The following CRPPA variants were observed in gnomAD, a reference collection of about 807,000 sequenced individuals.
The protein encoded by CRPPA is D-ribitol-5-phosphate cytidylyltransferase.
In CRPPA, 43 loss-of-function variants were observed where a neutral mutation model predicts 52.0. The observed-to-expected ratio is 0.83, with a 90% confidence interval of 0.65 to 1.07. CRPPA has a LOEUF of 1.07. Ranked by LOEUF, CRPPA falls within the 50% of genes least tolerant of loss-of-function variation. The pLI, the probability that CRPPA is intolerant of heterozygous loss-of-function variation, is 0.00. For missense variants in CRPPA, 629 were observed against 551.7 expected, an observed-to-expected ratio of 1.14 and a Z score of -1.40; for synonymous variants, 250 against 203.5, an observed-to-expected ratio of 1.23 and a Z score of -1.94.
rs1198212783 is a variant in CRPPA at position 16,376,183 on chromosome 7, C to T, written c.593G>A (p.Cys198Tyr). ...STVVSPSADGCLDYSLERARH... is the reference protein window; with the variant it reads ...STVVSPSADGYLDYSLERARH... ...GGCACGTTCTAGCGAGTAGTCTAAGCAACCATCAGCAGATGGACTGACGAC... is the reference window on the plus strand; with the variant it reads ...GGCACGTTCTAGCGAGTAGTCTAAGTAACCATCAGCAGATGGACTGACGAC... The change falls in exon 3 of 10, where the codon TGC becomes TAC. Residue 198 changes from cysteine to tyrosine, a missense_variant. Coordinates refer to ENST00000407010, the MANE Select transcript of CRPPA (RefSeq NM_001101426.4). 6.2e-7 allele frequency: 1 copy of T among 1,613,190 alleles called. No homozygotes were observed. Among genetic ancestry groups the T allele is most frequent in the Non-Finnish European group, 8.5e-7 (1 of 1,179,592 alleles).
At chr7:16,124,109 T>TA (rs1782529471) in intron 9 of CRPPA, among the ~76,000 whole-genome samples, 2 of 149,028 alleles carry the variant, frequency 1.3e-5, no homozygotes, top group South Asian at 4.2e-4. Context: ...ATTTCTTTCT[T>TA]TTTTTATTTT....
intron 9 of CRPPA, among the ~76,000 whole-genome samples, chr7:16,197,928 C>T (rs1233612019): frequency 6.1e-5 from 9 of 148,020 alleles, no homozygotes; most frequent in African/African-American, 1.5e-4. Context: ...GCAGGATGTG[C>T]TTTGTTAAAC....
intron 9 of CRPPA, among the ~76,000 whole-genome samples, chr7:16,117,118 C>A (rs370829526): frequency 6.6e-6 from 1 of 152,150 alleles, no homozygotes; most frequent in South Asian, 2.1e-4. Flanking sequence ...AAAAAGATGT[C>A]AACTTGGAAA....
At chr7:16,096,700 T>C (rs1781941266) in intron 9 of CRPPA, among the ~76,000 whole-genome samples, 1 of 152,080 alleles carries the variant, frequency 6.6e-6, no homozygotes, top group Non-Finnish European at 1.5e-5. Context: ...TTCTACCTCA[T>C]CCTCCCAAAG....
At chr7:16,134,649 G>T (rs1220563686) in intron 9 of CRPPA, among the ~76,000 whole-genome samples, 1 of 152,128 alleles carries the variant, frequency 6.6e-6, no homozygotes, top group African/African-American at 2.4e-5. Context: ...AATAATCAAT[G>T]ATCAAGAACA....
intron 1 of CRPPA, among the ~76,000 whole-genome samples, chr7:16,411,796 A>T (rs1185040779): frequency 6.6e-6 from 1 of 152,184 alleles, no homozygotes; most frequent in Non-Finnish European, 1.5e-5. Flanking sequence ...AGTTATAAGT[A>T]TGTGTTCAAC....
intron 2 of CRPPA, among the ~76,000 whole-genome samples, chr7:16,401,402 A>G (rs533419717): frequency 3.0e-4 from 46 of 152,336 alleles, no homozygotes; most frequent in African/African-American, 1.1e-3. Context: ...CCAGACTGCT[A>G]TGATTTATAA....
At chr7:16,314,732 T>G (rs1412007140) in intron 3 of CRPPA, among the ~76,000 whole-genome samples, 1 of 152,130 alleles carries the variant, frequency 6.6e-6, no homozygotes, top group Non-Finnish European at 1.5e-5. Context: ...AATATTTTAT[T>G]TTCTTCCTGC....
chr7:16,401,995 G>A (rs1480615567), intron 2 of CRPPA, among the ~76,000 whole-genome samples: 1 of 152,184 alleles, frequency 6.6e-6, no homozygotes, highest in Non-Finnish European at 1.5e-5. Context: ...GATGCTTTCA[G>A]TTAACAAGAG....
At chr7:16,169,492 T>C (rs1726419529) in intron 9 of CRPPA, among the ~76,000 whole-genome samples, 1 of 152,242 alleles carries the variant, frequency 6.6e-6, no homozygotes, top group South Asian at 2.1e-4. Context: ...GTGAAGTGAT[T>C]GTCCTGTTTT....
At position 16,394,926 on chromosome 7, in the gene CRPPA, C is replaced by CAT. The variant is rs1787532362; in HGVS notation, c.534+11133_534+11134dup. 3.3e-5 allele frequency among the ~76,000 whole-genome samples: 5 copies of CAT among 152,296 alleles called. No individual in the cohort carries two copies. In the South Asian group the frequency reaches 1.0e-3, roughly 32 times the overall value. ...TACAGAAAATGCTCACGTTAAAAGGCATATATTCCACAGCTGTCTTTATGT... is the reference window on the plus strand; with the variant it reads ...TACAGAAAATGCTCACGTTAAAAGGCATATATATTCCACAGCTGTCTTTATGT... On this transcript the variant is annotated intron_variant, in intron 2 of 9. Coordinates refer to ENST00000407010, the MANE Select transcript of CRPPA (RefSeq NM_001101426.4).
At chr7:16,217,028 C>G (rs1043632185) in intron 8 of CRPPA, among the ~76,000 whole-genome samples, 1 of 151,556 alleles carries the variant, frequency 6.6e-6, no homozygotes, top group Admixed American at 6.6e-5. Flanking sequence ...CGTCTGCAGA[C>G]TTAAATGTCC....
rs143067372 is a variant in CRPPA at position 16,401,490 on chromosome 7, T to C, written c.534+4571A>G. On this transcript the variant is annotated intron_variant, in intron 2 of 9. Transcript: ENST00000407010. ...AAGAGCATAAAATGACTAGAGGTGC[T>C]GGAGTACAAAGCTGAGGTAAGAAGG... Among the ~76,000 whole-genome samples, 564 of 152,288 alleles carry C rather than the reference T, an allele frequency of 3.7e-3. 4 individuals carry two copies. The highest frequency in any genetic ancestry group is 0.013 in the African/African-American group (544 of 41,560).
rs1447010004 is a variant in CRPPA, at chr7:16,421,428, G to A, written c.-106C>T. The A allele has an allele frequency of 5.4e-6, 6 of 1,107,092 alleles. No individual in the cohort carries two copies. The East Asian group carries it at 1.4e-4, about 26-fold the overall frequency. 68.6% of individuals were successfully genotyped at this position (1,107,092 alleles called of 1,614,324 possible). A position where few individuals can be genotyped will look rare whatever the true frequency, so the allele number is the denominator to read the frequency against. On this transcript the variant is annotated 5_prime_UTR_variant, in exon 1 of 10. Transcript: ENST00000407010. ...GGGCGAAGGGCAGACCACGGAGAGG[G>A]ACGCAGAGCGCGCAAGCAGAAGGCG...
At chr7:16,389,419 G>A (rs1479364182) in intron 2 of CRPPA, among the ~76,000 whole-genome samples, 1 of 151,870 alleles carries the variant, frequency 6.6e-6, no homozygotes, top group African/African-American at 2.4e-5. Context: ...TGACCAAGTG[G>A]GATTTATCCC....
intron 1 of CRPPA, among the ~76,000 whole-genome samples, chr7:16,414,732 C>G (rs779739147): frequency 3.9e-5 from 6 of 152,106 alleles, no homozygotes; most frequent in Non-Finnish European, 8.8e-5. Flanking sequence ...ACCTGGGGTT[C>G]AACAATTATA....
At position 16,309,998 on chromosome 7, in the gene CRPPA, A is replaced by T. The variant is rs111346565; in HGVS notation, c.685-1371T>A. On this transcript the variant is annotated intron_variant, in intron 3 of 9. Transcript: ENST00000407010. ...TGGTGATAAAATGAAATCATAAAAC[A>T]TAGTATATTAATCCAAAGGCCAACA... 9.1e-3 allele frequency among the ~76,000 whole-genome samples: 1,383 copies of T among 152,308 alleles called. 27 individuals carry two copies. The highest frequency in any genetic ancestry group is 0.032 in the African/African-American group (1,343 of 41,556).
chr7:16,229,871 T>A (rs1406471789), intron 8 of CRPPA, among the ~76,000 whole-genome samples: 1 of 152,174 alleles, frequency 6.6e-6, no homozygotes, highest in African/African-American at 2.4e-5. Flanking sequence ...AGTATTCATC[T>A]TTTCTTCATT....
At chr7:16,197,772 A>T (rs1781770020) in intron 9 of CRPPA, among the ~76,000 whole-genome samples, 2 of 150,622 alleles carry the variant, frequency 1.3e-5, no homozygotes, top group African/African-American at 4.9e-5. Flanking sequence ...GTGTAGAAAG[A>T]AGTAGACATA....
Sources: allele counts gnomAD v4.1 joint callset (sites outside exome capture counted in the v4.1 genomes callset), GRCh38; gene constraint gnomAD v4.1.1; transcripts MANE v1.5; gene names NCBI Gene and HGNC (gene_info 2026-07-23, HGNC 2026-07-21).